The following IGSF9B variants were observed in gnomAD, a reference collection of about 807,000 sequenced individuals.
IGSF9B encodes the protein immunoglobulin superfamily member 9B.
IGSF9B carries 48 observed loss-of-function variants against 143.7 expected under a neutral mutation model. The observed-to-expected ratio is 0.33, with a 90% CI of 0.26 to 0.42. IGSF9B has a LOEUF of 0.42. Among genes scored for constraint, IGSF9B ranks in the 20% least tolerant of loss-of-function variants. The pLI, the probability that IGSF9B is intolerant of heterozygous loss-of-function variation, is 1.00. For synonymous variants in IGSF9B, 903 were observed against 833.1 expected (o/e 1.08, Z -1.44); for missense variants, 1,706 against 1,980.0 (o/e 0.86, Z 2.63).
chr11:133,921,295 G>A lies in IGSF9B; in HGVS notation c.2430C>T (p.Ser810=), dbSNP rs1406789056. 1 of 1,609,872 alleles carries A rather than the reference G, an allele frequency of 6.2e-7. No homozygotes were observed. Among genetic ancestry groups the A allele is most frequent in the Non-Finnish European group, 8.5e-7 (1 of 1,178,064 alleles). Reference sequence around the variant, plus strand: ...GCGACAGCTCCTTCTCACGGGTGGGGCTCAGCATCCTCTTGGCCGCGGGCT... The same window carrying A: ...GCGACAGCTCCTTCTCACGGGTGGGACTCAGCATCCTCTTGGCCGCGGGCT... ...QGQPAAKRML[S]PTREKELSLY... The change falls in exon 18 of 20, where the codon AGC becomes AGT. Residue 810 remains serine (S), a synonymous_variant. Coordinates refer to ENST00000533871, the MANE Select transcript of IGSF9B (RefSeq NM_001277285.4).
intron 3 of IGSF9B, among the ~76,000 whole-genome samples, chr11:133,941,141 A>T (rs1939949637): frequency 2.0e-5 from 3 of 152,388 alleles, no homozygotes; most frequent in African/African-American, 7.2e-5. Flanking sequence ...TTTTCAGGAA[A>T]ATAATGGCTT....
Position 133,920,379 on chromosome 11 carries a change from G to T in IGSF9B, c.3346C>A (p.Pro1116Thr), listed in dbSNP as rs564711822. The change falls in exon 18 of 20, where the codon CCC becomes ACC. Residue 1116 changes from proline to threonine, a missense_variant. Physicochemically the swap from Pro to Thr is conservative, Grantham distance 38 (BLOSUM62 -1). Around this residue, in one of 7 missense-constraint regions of IGSF9B, gnomAD observed 880 missense variants for 762.9 expected, o/e 1.15. Transcript: ENST00000533871. ...KSPGRGPVPA[P>T]PAAKWQDRPM... is the part of the protein sequence containing the mutation. Reference sequence around the variant, plus strand: ...CTGTCCTGCCACTTGGCGGCGGGGGGCGCTGGGACAGGGCCCCTGCCGGGC... The same window carrying T: ...CTGTCCTGCCACTTGGCGGCGGGGGTCGCTGGGACAGGGCCCCTGCCGGGC... The T allele has an allele frequency of 2.5e-6, 4 of 1,603,648 alleles. No homozygotes were observed. The highest frequency in any genetic ancestry group is 1.3e-5 in the African/African-American group (1 of 74,468).
Position 133,909,332 on chromosome 11 carries a change from A to G in IGSF9B, c.4106-55T>C, listed in dbSNP as rs1939265532. 8 of 1,349,072 alleles carry G rather than the reference A, an allele frequency of 5.9e-6. No homozygotes were observed. Among genetic ancestry groups the G allele is most frequent in the Non-Finnish European group, 8.2e-6 (8 of 977,596 alleles). 83.6% of individuals were successfully genotyped at this position (1,349,072 alleles called of 1,614,324 possible). A position where few individuals can be genotyped will look rare whatever the true frequency, so the allele number is the denominator to read the frequency against. On this transcript the variant is annotated intron_variant, in intron 19 of 19. Coordinates refer to ENST00000533871, the MANE Select transcript of IGSF9B (RefSeq NM_001277285.4). This position sits in a 1 kb window ranked among gnomAD's most constrained non-coding sequence, Gnocchi z 4.2. Reference sequence around the variant, plus strand: ...AGAAGCAAGCGGATGAAAAGGAAGCACGCAGCCTGCTCACCTTTTCCACCT... The same window carrying G: ...AGAAGCAAGCGGATGAAAAGGAAGCGCGCAGCCTGCTCACCTTTTCCACCT...
intron 1 of IGSF9B, among the ~76,000 whole-genome samples, chr11:133,955,124 T>A (rs1185469563): frequency 1.3e-5 from 2 of 151,966 alleles, no homozygotes; most frequent in Non-Finnish European, 2.9e-5. Flanking sequence ...AGCAGGAACA[T>A]ACCAAAAACG....
chr11:133,931,479 G>T lies in IGSF9B; in HGVS notation c.1342C>A (p.Pro448Thr). 6.2e-7 allele frequency: 1 copy of T among 1,612,670 alleles called. No individual in the cohort carries two copies. Among genetic ancestry groups the T allele is most frequent in the Non-Finnish European group, 8.5e-7 (1 of 1,179,334 alleles). ...LLIPCAAAGD[P>T]FPVITWRKVG... ...TTTCTCCAAGTGATGACAGGAAAGG[G>T]GTCCCCTGCGGCAGCACAGGGGATA... is the stretch of plus-strand genomic sequence containing the variant. The change falls in exon 10 of 20, where the codon CCC (proline) becomes ACC (threonine). Residue 448 changes from proline to threonine, a missense_variant. By Grantham distance (38) the Pro-to-Thr change is conservative (BLOSUM62 -1). Coordinates refer to ENST00000533871, the MANE Select transcript of IGSF9B (RefSeq NM_001277285.4). This position sits in a 1 kb window ranked among gnomAD's most constrained non-coding sequence, Gnocchi z 7.7.
At position 133,925,877 on chromosome 11, in the gene IGSF9B, C is replaced by T; in HGVS notation, c.1896G>A (p.Leu632=). The stretch of plus-strand genomic sequence containing the variant: ...TGTGGTTGGCAGGCGGAAGCCAGGA[C>T]AGGAGCACACCCTGCTGAGTCCGAT... ...IANRTQQGVL[L]SWLPPANHSF... Residue 632 remains leucine, a synonymous_variant, in exon 14 of 20, where the codon CTG becomes CTA. Transcript: ENST00000533871. 6.2e-7 allele frequency: 1 copy of T among 1,613,286 alleles called. No homozygotes were observed. The highest frequency in any genetic ancestry group is 8.5e-7 in the Non-Finnish European group (1 of 1,179,654).
At chr11:133,912,199 G>A in intron 18 of IGSF9B, 192 bp from the exon 19 acceptor site, 1 of 742,422 alleles carries the variant, frequency 1.3e-6, no homozygotes, top group Non-Finnish European at 2.3e-6. Flanking sequence ...CCAGTAGAAA[G>A]CTCCAGGAGC....
In IGSF9B at chr11:133,930,971, G is replaced by C. The variant is rs1394576225; in HGVS notation, c.1519+13C>G. The C allele has an allele frequency of 4.4e-6, 7 of 1,602,278 alleles. No individual in the cohort carries two copies. The Admixed American group carries it at 1.2e-4, about 27-fold the overall frequency. ...TGTCCCCGCCGCCCGGCCCAGCCTT[G>C]CCGGCCACGTACCGATGACGGTGAG... On this transcript the variant is annotated intron_variant, in intron 11 of 19. Transcript: ENST00000533871.
chr11:133,919,926 G>T lies in IGSF9B; in HGVS notation c.3799C>A (p.Pro1267Thr). The T allele has an allele frequency of 6.4e-7, 1 of 1,559,862 alleles. No homozygotes were observed. The highest frequency in any genetic ancestry group is 8.7e-7 in the Non-Finnish European group (1 of 1,151,898). ...SPSQSSRSGSPSYRPAMGFTT... is the reference protein window; with the variant it reads ...SPSQSSRSGSTSYRPAMGFTT... Reference sequence around the variant, plus strand: ...AAGCCCATGGCGGGCCGGTAGCTGGGACTCCCACTGCGGCTGCTCTGGGAG... The same window carrying T: ...AAGCCCATGGCGGGCCGGTAGCTGGTACTCCCACTGCGGCTGCTCTGGGAG... Residue 1267 changes from proline to threonine, a missense_variant, in exon 18 of 20, where the codon CCC becomes ACC. Around this residue, in one of 7 missense-constraint regions of IGSF9B, gnomAD observed 880 missense variants for 762.9 expected, o/e 1.15. Transcript: ENST00000533871.
At chr11:133,946,427 C>A in intron 1 of IGSF9B, 169 bp from the exon 2 acceptor site, 1 of 618,910 alleles carries the variant, frequency 1.6e-6, no homozygotes, top group East Asian at 2.8e-5. Context: ...CTCTCCCCCT[C>A]GCTGCTCATA....
chr11:133,922,790 G>A (rs1050641253), intron 15 of IGSF9B, 60 bp from the exon 16 acceptor site: 103 of 1,447,680 alleles, frequency 7.1e-5, no homozygotes, highest in Middle Eastern at 4.9e-4. Context: ...CACCTGCTCC[G>A]ACCTTCAGTC....
intron 19 of IGSF9B, among the ~76,000 whole-genome samples, chr11:133,911,302 T>C (rs1939297608): frequency 6.6e-6 from 1 of 152,226 alleles, no homozygotes; most frequent in South Asian, 2.1e-4. Context: ...GCATCCTCTC[T>C]GTGGGGTAAG....
intron 18 of IGSF9B, among the ~76,000 whole-genome samples, chr11:133,917,515 G>A (rs1337224014): frequency 6.6e-6 from 1 of 152,114 alleles, no homozygotes; most frequent in Admixed American, 6.5e-5. Flanking sequence ...ACCCAGGGAG[G>A]ACGACAAGGC....
In IGSF9B at chr11:133,901,288, G is replaced by C. The variant is rs553256414; in HGVS notation, c.*7781C>G. On this transcript the variant is annotated 3_prime_UTR_variant, in exon 20 of 20. Coordinates refer to ENST00000533871, the MANE Select transcript of IGSF9B (RefSeq NM_001277285.4). Reference sequence around the variant, plus strand: ...AGAATACCAAAGGAAGAGCAGGGAAGGAGGTGGCGTCAAGGCATGAGCTAG... The same window carrying C: ...AGAATACCAAAGGAAGAGCAGGGAACGAGGTGGCGTCAAGGCATGAGCTAG... 6.6e-6 allele frequency: 1 copy of C among 152,376 alleles called. No homozygotes were observed. Among genetic ancestry groups the C allele is most frequent in the South Asian group, 2.1e-4 (1 of 4,834 alleles). 9.4% of individuals were successfully genotyped at this position (152,376 alleles called of 1,614,324 possible).
chr11:133,896,733 C>A lies in IGSF9B; in HGVS notation c.*12336G>T, dbSNP rs763596166. The A allele has an allele frequency of 6.6e-6, 1 of 152,162 alleles. No individual in the cohort carries two copies. The allele number at this position is 152,162 out of a possible 1,614,324, so 9.4% of individuals were successfully genotyped here. On this transcript the variant is annotated 3_prime_UTR_variant, in exon 20 of 20. Transcript: ENST00000533871. ...GGAAATACCAGCGAGTGGAGCCTGG[C>A]GTGGTAGCCTGAGCTGAGGCAGGCT...
rs78185521 is a variant in IGSF9B, at chr11:133,922,971, C to A, written c.2120-241G>T. ...TAAAGAAGAAAACATCTATGCCTGT[C>A]CCCATGGGGATAATGACTTCAAGAG... On this transcript the variant is annotated intron_variant, in intron 15 of 19. Transcript: ENST00000533871. Among the ~76,000 whole-genome samples, 503 of 152,356 alleles carry A rather than the reference C, an allele frequency of 3.3e-3. 3 individuals carry two copies. Among genetic ancestry groups the A allele is most frequent in the African/African-American group, 0.011 (478 of 41,578 alleles).
In IGSF9B at chr11:133,901,949, C is replaced by A. The variant is rs557536629; in HGVS notation, c.*7120G>T. On this transcript the variant is annotated 3_prime_UTR_variant, in exon 20 of 20. Transcript: ENST00000533871. ...CAAACCACACAACACACACACACAT[C>A]ACACACATGCACACCGCATCACACA... 1.8e-5 allele frequency among the ~76,000 whole-genome samples: 2 copies of A among 110,212 alleles called. No homozygotes were observed. The highest frequency in any genetic ancestry group is 2.4e-4 in the South Asian group (1 of 4,124). 72.3% of individuals were successfully genotyped at this position (110,212 alleles called of 152,430 possible). A position where few individuals can be genotyped will look rare whatever the true frequency, so the allele number is the denominator to read the frequency against.
Position 133,945,461 on chromosome 11 carries a change from C to T in IGSF9B, c.262+600G>A, listed in dbSNP as rs150772572. 3.3e-5 allele frequency among the ~76,000 whole-genome samples: 5 copies of T among 152,264 alleles called. No homozygotes were observed. The highest frequency in any genetic ancestry group is 1.3e-4 in the Admixed American group (2 of 15,296). On this transcript the variant is annotated intron_variant, in intron 2 of 19. Transcript: ENST00000533871. This position sits in a 1 kb window ranked among gnomAD's most constrained non-coding sequence, Gnocchi z 4.6. ...CCCCAACAACGCTCGCTCAATGACA[C>T]GCACACGCACGCACACACACACCCA...
chr11:133,908,101 T>C lies in IGSF9B; in HGVS notation c.*968A>G, dbSNP rs1397962368. Reference sequence around the variant, plus strand: ...CAGGTGGCTCCGCAGTGGGGAGACTTTGGCCACAGAGCTCACGGCCTGGCT... The same window carrying C: ...CAGGTGGCTCCGCAGTGGGGAGACTCTGGCCACAGAGCTCACGGCCTGGCT... On this transcript the variant is annotated 3_prime_UTR_variant, in exon 20 of 20. Transcript: ENST00000533871. Among the ~76,000 whole-genome samples, 4 of 152,136 alleles carry C rather than the reference T, an allele frequency of 2.6e-5. No individual in the cohort carries two copies. Among genetic ancestry groups the C allele is most frequent in the African/African-American group, 9.7e-5 (4 of 41,424 alleles).
Sources: allele counts gnomAD v4.1 joint callset (sites outside exome capture counted in the v4.1 genomes callset), GRCh38; gene constraint gnomAD v4.1.1; regional missense constraint gnomAD v4.1.1; non-coding constraint Gnocchi (gnomAD v3.1); transcripts MANE v1.5; gene names NCBI Gene and HGNC (gene_info 2026-07-23, HGNC 2026-07-21).